The following ANKRD17 variants were observed in gnomAD, a reference collection of about 807,000 sequenced individuals.
ANKRD17 encodes ankyrin repeat domain 17, also known as ankyrin repeat domain-containing protein 17.
Under a neutral mutation model 229.7 loss-of-function variants are expected in ANKRD17, and 19 were observed. The ratio of observed to expected loss-of-function variants is 0.08; its 90% confidence interval spans 0.06 to 0.12. ANKRD17 has a LOEUF of 0.12. ANKRD17 is among the 10% of genes least tolerant of loss of function. The pLI is 1.00. For synonymous variants in ANKRD17, 1,112 were observed against 1,146.1 expected, an observed-to-expected ratio of 0.97 and a Z score of 0.60; for missense variants, 2,176 against 3,176.8, an observed-to-expected ratio of 0.68 and a Z score of 7.57.
intron 1 of ANKRD17, among the ~76,000 whole-genome samples, chr4:73,190,574 A>C (rs1033614411): frequency 8.6e-5 from 13 of 151,076 alleles, no homozygotes; most frequent in Non-Finnish European, 1.3e-4. Context: ...CAAAAAAAAA[A>C]CAAAAAAAAC....
Position 73,123,030 on chromosome 4 carries a change from A to G in ANKRD17, c.3493-1271T>C, listed in dbSNP as rs1464735718. On this transcript the variant is annotated intron_variant, in intron 18 of 33. Coordinates refer to ENST00000358602, the MANE Select transcript of ANKRD17 (RefSeq NM_032217.5). ...TCTATTGACACCAAATTAAAGTAAC[A>G]AAGTGTTTATAGGCAAAATTGTTAC... 2.6e-5 allele frequency among the ~76,000 whole-genome samples: 4 copies of G among 152,108 alleles called. No individual in the cohort carries two copies. The East Asian group carries it at 7.7e-4, about 29-fold the overall frequency.
intron 1 of ANKRD17, among the ~76,000 whole-genome samples, chr4:73,254,300 T>C (rs1327259340): frequency 1.3e-5 from 2 of 152,206 alleles, no homozygotes; most frequent in African/African-American, 4.8e-5. Context: ...ACTAAGTCAG[T>C]ACTAATTTAT....
chr4:73,163,570 T>C (rs1732818371), intron 2 of ANKRD17, among the ~76,000 whole-genome samples: 1 of 152,224 alleles, frequency 6.6e-6, no homozygotes, highest in African/African-American at 2.4e-5. Flanking sequence ...CAGATAAGTA[T>C]GTAACAGTGA....
chr4:73,115,859 A>C lies in ANKRD17; in HGVS notation c.4246T>G (p.Ser1416Ala). 6.2e-7 allele frequency: 1 copy of C among 1,613,504 alleles called. No homozygotes were observed. Among genetic ancestry groups the C allele is most frequent in the East Asian group, 2.2e-5 (1 of 44,832 alleles). The change falls in exon 23 of 34, where the codon TCT becomes GCT. Residue 1416 changes from serine (S) to alanine (A), a missense_variant. Ser to Ala is a moderately conservative substitution (Grantham distance 99). This residue lies in a region of ANKRD17 where 178 missense variants were observed against 421.7 expected (regional missense o/e 0.42). Coordinates refer to ENST00000358602, the MANE Select transcript of ANKRD17 (RefSeq NM_032217.5). ...GTTGCTATGTATCTCATACATTCAG[A>C]ATCTGATGGAAACTGATTGACTTCT... The part of the protein sequence containing the change: ...VKEVNQFPSD[S>A]ECMRYIATIT...
intron 1 of ANKRD17, among the ~76,000 whole-genome samples, chr4:73,192,028 A>G (rs1737178238): frequency 6.6e-6 from 1 of 152,078 alleles, no homozygotes; most frequent in Non-Finnish European, 1.5e-5. Context: ...CCTTAAGAAT[A>G]AAGCAGATTT....
In ANKRD17 at chr4:73,160,363, C is replaced by T. The variant is rs1003480112; in HGVS notation, c.704+829G>A. ...CCTCCCGAGTAGCGGGGATTGCAGG[C>T]GTGCGCCACCACACCCGGCTAATTT... On this transcript the variant is annotated intron_variant, in intron 3 of 33. Coordinates refer to ENST00000358602, the MANE Select transcript of ANKRD17 (RefSeq NM_032217.5). Among the ~76,000 whole-genome samples, 41 of 152,182 alleles carry T rather than the reference C, an allele frequency of 2.7e-4. 1 individual carries two copies. The East Asian group carries it at 6.4e-3, about 24-fold the overall frequency.
chr4:73,154,346 A>G (rs1731364880), intron 5 of ANKRD17, among the ~76,000 whole-genome samples: 1 of 152,118 alleles, frequency 6.6e-6, no homozygotes, highest in Non-Finnish European at 1.5e-5. Context: ...AGTCAAATAC[A>G]TGTGGAAAAT....
intron 25 of ANKRD17, among the ~76,000 whole-genome samples, chr4:73,101,684 ATT>A (rs1214058311): frequency 1.4e-4 from 20 of 138,468 alleles, no homozygotes; most frequent in Non-Finnish European, 2.9e-4. Flanking sequence ...AAAAAAAAGG[ATT>A]TATAGGCGCA....
chr4:73,213,566 T>C (rs908297638), intron 1 of ANKRD17, among the ~76,000 whole-genome samples: 6 of 152,186 alleles, frequency 3.9e-5, no homozygotes, highest in Non-Finnish European at 7.4e-5. Flanking sequence ...TGGGAAGATA[T>C]GGAATTTGAG....
At chr4:73,156,472 A>G (rs561250539) in intron 3 of ANKRD17, among the ~76,000 whole-genome samples, 184 of 152,234 alleles carry the variant, frequency 1.2e-3, no homozygotes, top group African/African-American at 4.2e-3. Context: ...GTCCCCACCC[A>G]AATCTCATGT....
At chr4:73,159,110 TCC>T (rs1313845568) in intron 3 of ANKRD17, among the ~76,000 whole-genome samples, 2 of 152,242 alleles carry the variant, frequency 1.3e-5, no homozygotes, top group East Asian at 3.8e-4. Flanking sequence ...AATTGTATTG[TCC>T]CCTTACCAAA....
At chr4:73,227,068 G>A (rs988836806) in intron 1 of ANKRD17, among the ~76,000 whole-genome samples, 1 of 152,128 alleles carries the variant, frequency 6.6e-6, no homozygotes, top group Non-Finnish European at 1.5e-5. Context: ...TGTCACTGCA[G>A]GATACCATGG....
At chr4:73,113,072 G>A (rs1725516611) in intron 24 of ANKRD17, 3 of 1,169,710 alleles carry the variant, frequency 2.6e-6, no homozygotes, top group South Asian at 1.7e-5. Flanking sequence ...ACAGGCGTGA[G>A]CTACTGCGCC....
chr4:73,187,402 T>A lies in ANKRD17; in HGVS notation c.394-9869A>T, dbSNP rs552435940. On this transcript the variant is annotated intron_variant, in intron 1 of 33. Transcript: ENST00000358602. The stretch of plus-strand genomic sequence containing the variant: ...ATTCTTAATATATGATTCACTAAAG[T>A]TATAAAAGTGGAAGTGAGACAGGAA... Among the ~76,000 whole-genome samples, 82 of 152,284 alleles carry A rather than the reference T, an allele frequency of 5.4e-4. 1 individual carries two copies. In the South Asian group the frequency reaches 0.016, roughly 29 times the overall value.
chr4:73,249,901 A>C (rs1361667652), intron 1 of ANKRD17, among the ~76,000 whole-genome samples: 3 of 152,170 alleles, frequency 2.0e-5, no homozygotes, highest in African/African-American at 7.2e-5. Context: ...GAAAGAATAT[A>C]GTTAAGTAAA....
At chr4:73,140,401 G>T in intron 14 of ANKRD17, 118 bp from the exon 15 acceptor site, 2 of 979,250 alleles carry the variant, frequency 2.0e-6, no homozygotes, top group Admixed American at 3.5e-5. Flanking sequence ...CATAACAGGT[G>T]AAAATGCACT....
chr4:73,092,309 T>TG lies in ANKRD17; in HGVS notation c.5328-10dup, dbSNP rs2110167677. On this transcript the variant is annotated splice_polypyrimidine_tract_variant and intron_variant, in intron 28 of 33. Coordinates refer to ENST00000358602, the MANE Select transcript of ANKRD17 (RefSeq NM_032217.5). ...TTGATTCAGTGCCACCCCTATAAAT[T>TG]GAGAAAAAAAAATTAGGTAGAATTT... is the stretch of plus-strand genomic sequence containing the variant. 6.3e-7 allele frequency: 1 copy of TG among 1,577,000 alleles called. No individual in the cohort carries two copies. Among genetic ancestry groups the TG allele is most frequent in the Non-Finnish European group, 8.6e-7 (1 of 1,167,132 alleles).
chr4:73,193,908 G>C (rs1213369381), intron 1 of ANKRD17, among the ~76,000 whole-genome samples: 2 of 151,968 alleles, frequency 1.3e-5, no homozygotes, highest in South Asian at 2.1e-4. Flanking sequence ...CTCTAGCCTG[G>C]GTGACAGAGT....
rs1377464127 is a variant in ANKRD17 at position 73,159,888 on chromosome 4, A to T, written c.704+1304T>A. ...AATACAAACACAAAAATCTAGATGA[A>T]TGAACACTAATAAAGAGCCAAGAGA... On this transcript the variant is annotated intron_variant, in intron 3 of 33. Coordinates refer to ENST00000358602, the MANE Select transcript of ANKRD17 (RefSeq NM_032217.5). 2.0e-5 allele frequency among the ~76,000 whole-genome samples: 3 copies of T among 152,342 alleles called. No individual in the cohort carries two copies. The East Asian group carries it at 5.8e-4, about 29-fold the overall frequency.
Sources: allele counts gnomAD v4.1 joint callset (sites outside exome capture counted in the v4.1 genomes callset), GRCh38; gene constraint gnomAD v4.1.1; regional missense constraint gnomAD v4.1.1; transcripts MANE v1.5; gene names NCBI Gene and HGNC (gene_info 2026-07-23, HGNC 2026-07-21).